BCL2L1: variants seen among roughly 807,000 people sequenced by gnomAD.
The protein encoded by BCL2L1 is bcl-2-like protein 1.
Under a neutral mutation model 18.7 loss-of-function variants are expected in BCL2L1, and 1 was observed. The ratio of observed to expected loss-of-function variants is 0.05; its 90% CI spans 0.02 to 0.25. BCL2L1 has a LOEUF of 0.25. Ranked by LOEUF, BCL2L1 falls within the 10% of genes least tolerant of loss-of-function variation. BCL2L1 has a pLI of 1.00. For missense variants in BCL2L1, 207 were observed against 304.9 expected, an observed-to-expected ratio of 0.68 and a Z score of 2.39; for synonymous variants, 103 against 122.7, an observed-to-expected ratio of 0.84 and a Z score of 1.06.
intron 2 of BCL2L1, chr20:31,721,028 G>T (rs572265903): frequency 4.2e-6 from 4 of 962,320 alleles, no homozygotes; most frequent in Non-Finnish European, 4.9e-6. Flanking sequence ...TGAACTTAGG[G>T]GGCGCAGTGC....
chr20:31,687,284 C>T (rs569137631), intron 2 of BCL2L1, among the ~76,000 whole-genome samples: 6 of 152,214 alleles, frequency 3.9e-5, no homozygotes, highest in African/African-American at 1.4e-4. Flanking sequence ...CCCTAAAGGA[C>T]CCTCTGATGG....
At chr20:31,691,096 T>C (rs2061061143) in intron 2 of BCL2L1, among the ~76,000 whole-genome samples, 1 of 122,344 alleles carries the variant, frequency 8.2e-6, no homozygotes, top group African/African-American at 3.2e-5. Flanking sequence ...GAGGTTGCAG[T>C]GAGCCGAGAT....
chr20:31,696,145 C>T (rs953405401), intron 2 of BCL2L1, among the ~76,000 whole-genome samples: 1 of 152,220 alleles, frequency 6.6e-6, no homozygotes, highest in African/African-American at 2.4e-5. Flanking sequence ...AGAATAGGGA[C>T]TTTGGTTCGT....
intron 2 of BCL2L1, among the ~76,000 whole-genome samples, chr20:31,693,910 T>G (rs921471636): frequency 6.6e-6 from 1 of 152,136 alleles, no homozygotes; most frequent in African/African-American, 2.4e-5. Flanking sequence ...AAATTGTACA[T>G]ATGCATTAGA....
chr20:31,676,600 G>A (rs2060765511), intron 2 of BCL2L1, among the ~76,000 whole-genome samples: 1 of 152,048 alleles, frequency 6.6e-6, no homozygotes, highest in Non-Finnish European at 1.5e-5. Flanking sequence ...CAGTGTCCAG[G>A]GTGAGAAAAA....
intron 2 of BCL2L1, chr20:31,686,360 G>A (rs2060954978): frequency 6.6e-6 from 1 of 152,196 alleles, no homozygotes; most frequent in Non-Finnish European, 1.5e-5. Flanking sequence ...CTGAGACTTA[G>A]TCAGAAGACC....
At chr20:31,709,875 A>G (rs1215543627) in intron 2 of BCL2L1, among the ~76,000 whole-genome samples, 1 of 148,856 alleles carries the variant, frequency 6.7e-6, no homozygotes, top group East Asian at 2.0e-4. Flanking sequence ...AAGAAGAGAC[A>G]AGGTTTTGTC....
intron 2 of BCL2L1, among the ~76,000 whole-genome samples, chr20:31,717,236 T>G (rs1414632412): frequency 6.6e-6 from 1 of 152,156 alleles, no homozygotes; most frequent in Non-Finnish European, 1.5e-5. Flanking sequence ...CCAGGGAGAC[T>G]GGACACAGAG....
chr20:31,700,473 C>A (rs576210168), intron 2 of BCL2L1, among the ~76,000 whole-genome samples: 1 of 152,320 alleles, frequency 6.6e-6, no homozygotes, highest in Admixed American at 6.5e-5. Flanking sequence ...ACTTGAAGAT[C>A]CTACAAACCT....
upstream of BCL2L1, chr20:31,723,738 C>G (rs1468299163): frequency 1.0e-6 from 1 of 985,320 alleles, no homozygotes; most frequent in African/African-American, 1.7e-5. Context: ...CTCTCACCTG[C>G]GAGCCCCGCG....
At chr20:31,692,844 G>A (rs1251064611) in intron 2 of BCL2L1, among the ~76,000 whole-genome samples, 1 of 152,026 alleles carries the variant, frequency 6.6e-6, no homozygotes, top group African/African-American at 2.4e-5. Context: ...GGGTGGCAGA[G>A]GTTGCAGTAA....
intron 2 of BCL2L1, among the ~76,000 whole-genome samples, chr20:31,709,510 C>T (rs1385529103): frequency 2.0e-5 from 3 of 151,976 alleles, no homozygotes; most frequent in Non-Finnish European, 4.4e-5. Flanking sequence ...TACAGGCGCC[C>T]GCCACCACAC....
intron 2 of BCL2L1, chr20:31,713,344 G>C (rs1356803753): frequency 2.0e-6 from 2 of 985,260 alleles, no homozygotes; most frequent in East Asian, 2.3e-4. Flanking sequence ...AGGGAGCAAA[G>C]AAAGTAATGG....
intron 2 of BCL2L1, among the ~76,000 whole-genome samples, chr20:31,679,525 CTT>C (rs2060821205): frequency 6.6e-6 from 1 of 152,222 alleles, no homozygotes; most frequent in Non-Finnish European, 1.5e-5. Flanking sequence ...GAGCAAGACA[CTT>C]TCCCCCTCCA....
chr20:31,667,176 C>T (rs1239103274), intron 2 of BCL2L1, among the ~76,000 whole-genome samples: 1 of 152,036 alleles, frequency 6.6e-6, no homozygotes, highest in Admixed American at 6.6e-5. Context: ...GAAGTAAGTT[C>T]CAGGCTGGGT....
intron 1 of BCL2L1, 53 bp from the exon 2 acceptor site, chr20:31,722,401 T>G: frequency 1.3e-5 from 6 of 447,106 alleles, no homozygotes; most frequent in East Asian, 3.5e-5. Flanking sequence ...AAAAATTCCA[T>G]TCCCCCTCCA....
intron 2 of BCL2L1, among the ~76,000 whole-genome samples, chr20:31,704,936 T>C (rs73117924): frequency 0.019 from 2,920 of 152,322 alleles, 38 homozygotes; most frequent in Middle Eastern, 0.041. Context: ...TGTTGGTCTC[T>C]GGGGGTGCAA....
intron 2 of BCL2L1, among the ~76,000 whole-genome samples, chr20:31,703,180 C>T (rs180912185): frequency 1.3e-5 from 2 of 148,470 alleles, no homozygotes; most frequent in Admixed American, 1.3e-4. Context: ...AGGTAGCTGG[C>T]ATCACAGGCA....
chr20:31,718,612 G>A (rs534276716), intron 2 of BCL2L1, among the ~76,000 whole-genome samples: 24 of 148,192 alleles, frequency 1.6e-4, no homozygotes, highest in African/African-American at 4.5e-4. Flanking sequence ...CTGAGATCGC[G>A]CCACTGCACT....
Sources: allele counts gnomAD v4.1 joint callset (sites outside exome capture counted in the v4.1 genomes callset), GRCh38; gene constraint gnomAD v4.1.1; transcripts MANE v1.5; gene names NCBI Gene and HGNC (gene_info 2026-07-23, HGNC 2026-07-21).